NEDD4: variants seen among roughly 807,000 people sequenced by gnomAD.
The protein encoded by NEDD4 is E3 ubiquitin-protein ligase NEDD4.
NEDD4 carries 99 observed loss-of-function variants against 144.9 expected under a neutral mutation model. That is an observed-to-expected ratio of 0.68 (90% CI 0.58 to 0.81). The LOEUF (loss-of-function observed/expected upper bound fraction) is 0.81. Among genes scored for constraint, NEDD4 ranks in the 30% least tolerant of loss-of-function variants. The pLI is 0.00. For synonymous variants in NEDD4, 318 were observed against 350.6 expected (o/e 0.91, Z 1.04); for missense variants, 985 against 1,065.9 (o/e 0.92, Z 1.06).
chr15:55,973,714 T>C (rs1046031326), intron 1 of NEDD4, among the ~76,000 whole-genome samples: 3 of 151,864 alleles, frequency 2.0e-5, no homozygotes, highest in Non-Finnish European at 4.4e-5. Context: ...GGATATTAAA[T>C]AATTTCTTGA....
intron 27 of NEDD4, among the ~76,000 whole-genome samples, chr15:55,831,683 GA>G (rs1270509196): frequency 2.0e-5 from 3 of 152,164 alleles, no homozygotes; most frequent in Non-Finnish European, 2.9e-5. Flanking sequence ...TCATATTAAT[GA>G]GGCTTGGCAA....
chr15:55,974,887 C>CTTTTTTTTTTTTTTTTTTTT (rs2037672792), intron 1 of NEDD4, among the ~76,000 whole-genome samples: 1 of 72,166 alleles, frequency 1.4e-5, no homozygotes, highest in East Asian at 4.2e-4. Context: ...ATTTCTTTTC[C>CTTTTTTTTTTTTTTTTTTTT]TTTCTTTTTT....
Position 55,920,963 on chromosome 15 carries a change from T to G in NEDD4, c.291+3683A>C, listed in dbSNP as rs565498620. Among the ~76,000 whole-genome samples, 12 of 152,300 alleles carry G rather than the reference T, an allele frequency of 7.9e-5. No individual in the cohort carries two copies. In the South Asian group the frequency reaches 1.9e-3, roughly 24 times the overall value. On this transcript the variant is annotated intron_variant, in intron 5 of 28. Coordinates refer to ENST00000435532, the MANE Select transcript of NEDD4 (RefSeq NM_006154.4). The stretch of plus-strand genomic sequence containing the variant: ...AAACCGAGTTTCTCAAGAAAAGCTG[T>G]ATTTCCCACTCATAGAAGAGCATCT...
At chr15:55,878,965 G>A (rs987283249) in intron 5 of NEDD4, among the ~76,000 whole-genome samples, 2 of 152,152 alleles carry the variant, frequency 1.3e-5, no homozygotes, top group Admixed American at 6.5e-5. Context: ...TGAGATTACA[G>A]GCATGTGCCA....
At chr15:55,962,422 A>T (rs2142322481) in intron 2 of NEDD4, among the ~76,000 whole-genome samples, 1 of 152,078 alleles carries the variant, frequency 6.6e-6, no homozygotes, top group East Asian at 1.9e-4. Flanking sequence ...TTTGTTTTCC[A>T]TTGTCACTGC....
At chr15:55,882,917 T>C (rs1204165479) in intron 5 of NEDD4, among the ~76,000 whole-genome samples, 1 of 152,126 alleles carries the variant, frequency 6.6e-6, no homozygotes, top group East Asian at 1.9e-4. Context: ...TCATGGGCCT[T>C]AGGTGAGACT....
At chr15:55,979,036 T>C (rs950203963) in intron 1 of NEDD4, among the ~76,000 whole-genome samples, 8 of 151,702 alleles carry the variant, frequency 5.3e-5, no homozygotes, top group African/African-American at 1.9e-4. Flanking sequence ...CATTCCTCTG[T>C]TGTCCCCCAC....
intron 2 of NEDD4, among the ~76,000 whole-genome samples, chr15:55,952,986 CT>C (rs34335685): frequency 0.018 from 2,615 of 147,990 alleles, 69 homozygotes; most frequent in African/African-American, 0.061. Context: ...TGTATTAATT[CT>C]TTTTTTTTTT....
At chr15:55,963,135 A>AT (rs201400016) in intron 2 of NEDD4, among the ~76,000 whole-genome samples, 19,292 of 135,972 alleles carry the variant, frequency 0.14, 1,414 homozygotes, top group Middle Eastern at 0.21. Flanking sequence ...ACTCTTTTTT[A>AT]TTTTTTTTTT....
chr15:55,888,175 G>A (rs2035452889), intron 5 of NEDD4, among the ~76,000 whole-genome samples: 1 of 152,178 alleles, frequency 6.6e-6, no homozygotes, highest in Middle Eastern at 3.4e-3. Context: ...CATCCAAATT[G>A]GAAAGGAAGA....
intron 1 of NEDD4, among the ~76,000 whole-genome samples, chr15:55,984,284 TG>T (rs1445792827): frequency 1.3e-5 from 2 of 152,214 alleles, no homozygotes; most frequent in Non-Finnish European, 2.9e-5. Context: ...AGCAGGAAAG[TG>T]GAAGGACCAA....
intron 12 of NEDD4, 120 bp downstream of exon 12, chr15:55,856,011 C>T: frequency 1.3e-6 from 1 of 772,240 alleles, no homozygotes; most frequent in East Asian, 2.9e-5. Context: ...CACCTGGAGC[C>T]TACATTCTGT....
chr15:55,991,266 C>T (rs1381017690), intron 1 of NEDD4, among the ~76,000 whole-genome samples: 2 of 151,936 alleles, frequency 1.3e-5, no homozygotes, highest in Non-Finnish European at 2.9e-5. Flanking sequence ...AGCTGCAATG[C>T]TTTCTTCCTT....
intron 5 of NEDD4, among the ~76,000 whole-genome samples, chr15:55,920,002 T>C (rs1005620908): frequency 1.3e-5 from 2 of 152,144 alleles, no homozygotes; most frequent in African/African-American, 4.8e-5. Flanking sequence ...GTAGAGCACA[T>C]TACCCTCCAC....
intron 4 of NEDD4, among the ~76,000 whole-genome samples, chr15:55,932,971 G>A (rs895427014): frequency 1.3e-5 from 2 of 152,042 alleles, no homozygotes; most frequent in Non-Finnish European, 2.9e-5. Flanking sequence ...AAATCAAAAC[G>A]ACAATGAGAT....
At chr15:55,989,709 A>T (rs1157443770) in intron 1 of NEDD4, among the ~76,000 whole-genome samples, 2 of 152,324 alleles carry the variant, frequency 1.3e-5, no homozygotes, top group Admixed American at 6.5e-5. Flanking sequence ...AGGAAACAGA[A>T]ATCATTCTAG....
chr15:55,979,687 A>G (rs2037767830), intron 1 of NEDD4, among the ~76,000 whole-genome samples: 2 of 152,248 alleles, frequency 1.3e-5, no homozygotes, highest in South Asian at 4.1e-4. Flanking sequence ...TGTAAATTTT[A>G]CATTCTATTT....
intron 5 of NEDD4, among the ~76,000 whole-genome samples, chr15:55,898,282 G>A (rs866547707): frequency 1.3e-5 from 2 of 152,098 alleles, no homozygotes; most frequent in South Asian, 2.1e-4. Context: ...TCCAGATTCC[G>A]GTTTTAATCA....
chr15:55,916,452 A>G, intron 5 of NEDD4: 2 of 1,614,070 alleles, frequency 1.2e-6, no homozygotes, highest in Non-Finnish European at 1.7e-6. Context: ...ATTATCGACC[A>G]CAGCACTACT....
Sources: gnomAD v4.1 joint callset for allele counts (sites outside exome capture counted in the v4.1 genomes callset) on GRCh38, gnomAD v4.1.1 for gene constraint, MANE v1.5 for transcripts, NCBI Gene and HGNC (gene_info 2026-07-23, HGNC 2026-07-21) for gene names.